Variants in FRMD5 observed in about 807,000 individuals in gnomAD.
The protein encoded by FRMD5 is FERM domain containing 5.
Under a neutral mutation model 69.0 loss-of-function variants are expected in FRMD5, and 20 were observed. The ratio of observed to expected loss-of-function variants is 0.29; its 90% CI spans 0.20 to 0.42. The LOEUF is 0.42. Among genes scored for constraint, FRMD5 ranks in the 10% least tolerant of loss-of-function variants. FRMD5 has a pLI of 1.00. For missense variants in FRMD5, 595 were observed against 708.6 expected, an observed-to-expected ratio of 0.84 and a Z score of 1.82; for synonymous variants, 271 against 260.1, an observed-to-expected ratio of 1.04 and a Z score of -0.40.
rs2088223091 is a variant in FRMD5, at chr15:43,873,560, A to C, written c.*325T>G. The C allele has an allele frequency of 2.2e-6, 3 of 1,389,980 alleles. No homozygotes were observed. The African/African-American group carries it at 4.4e-5, about 20-fold the overall frequency. The allele number at this position is 1,389,980 out of a possible 1,614,324, so 86.1% of individuals were successfully genotyped here. A position where few individuals can be genotyped will look rare whatever the true frequency, so the allele number is the denominator to read the frequency against. On this transcript the variant is annotated 3_prime_UTR_variant, in exon 14 of 14. Coordinates refer to ENST00000417257, the MANE Select transcript of FRMD5 (RefSeq NM_032892.5). ...TAGTAAAATAAATTATTTTTATTTGATACTTCAAAATAATATACATCTATG... is the reference window on the plus strand; with the variant it reads ...TAGTAAAATAAATTATTTTTATTTGCTACTTCAAAATAATATACATCTATG...
intron 1 of FRMD5, among the ~76,000 whole-genome samples, chr15:43,975,244 G>A (rs1022532596): frequency 6.6e-5 from 10 of 152,166 alleles, no homozygotes; most frequent in African/African-American, 2.4e-4. Flanking sequence ...CAGAAAGTAG[G>A]AGAGATAAAA....
chr15:44,049,758 T>C (rs934344043), intron 1 of FRMD5, among the ~76,000 whole-genome samples: 3 of 152,320 alleles, frequency 2.0e-5, no homozygotes, highest in Admixed American at 1.3e-4. Context: ...ATCAATAATA[T>C]ATAACTCTTG....
intron 1 of FRMD5, among the ~76,000 whole-genome samples, chr15:44,048,598 A>C (rs1220393367): frequency 6.6e-6 from 1 of 151,956 alleles, no homozygotes; most frequent in African/African-American, 2.4e-5. Flanking sequence ...TTTGAGATAG[A>C]GTCTCACTCT....
chr15:44,137,592 T>C (rs1252908158), intron 1 of FRMD5, among the ~76,000 whole-genome samples: 2 of 152,140 alleles, frequency 1.3e-5, no homozygotes, highest in Non-Finnish European at 2.9e-5. Context: ...CAGGAAGGCA[T>C]ACCAGAAGGA....
intron 1 of FRMD5, among the ~76,000 whole-genome samples, chr15:43,924,975 A>G (rs764561694): frequency 2.6e-5 from 4 of 151,456 alleles, no homozygotes; most frequent in Non-Finnish European, 5.9e-5. Context: ...TCTCCCTAGA[A>G]GCAACTGTTA....
chr15:44,004,364 T>C (rs1166451026), intron 1 of FRMD5, among the ~76,000 whole-genome samples: 1 of 148,870 alleles, frequency 6.7e-6, no homozygotes, highest in Non-Finnish European at 1.5e-5. Flanking sequence ...GTTTTTGTTT[T>C]TGTTTTTGTT....
chr15:44,038,520 C>CTTGTTTTTTTTTT (rs1892026730), intron 1 of FRMD5, among the ~76,000 whole-genome samples: 1 of 63,194 alleles, frequency 1.6e-5, no homozygotes, highest in Non-Finnish European at 2.8e-5. Context: ...CTAGCCAGAG[C>CTTGTTTTTTTTTT]TTTTTTTTTT....
At chr15:44,042,159 A>C (rs191086242) in intron 1 of FRMD5, among the ~76,000 whole-genome samples, 1 of 152,126 alleles carries the variant, frequency 6.6e-6, no homozygotes, top group Non-Finnish European at 1.5e-5. Flanking sequence ...AACACCTCTA[A>C]GCAAATAAAC....
chr15:44,095,144 A>G (rs935719874), intron 1 of FRMD5, among the ~76,000 whole-genome samples: 8 of 151,968 alleles, frequency 5.3e-5, no homozygotes, highest in Non-Finnish European at 1.0e-4. Flanking sequence ...CAGAATCTCT[A>G]TGAGACAGGA....
At chr15:44,138,142 T>C (rs2077214780) in intron 1 of FRMD5, among the ~76,000 whole-genome samples, 1 of 151,916 alleles carries the variant, frequency 6.6e-6, no homozygotes, top group African/African-American at 2.4e-5. Context: ...AAGCCAAAAT[T>C]CCAAATACAT....
chr15:43,884,202 G>A (rs1248312948), intron 12 of FRMD5, among the ~76,000 whole-genome samples: 1 of 152,156 alleles, frequency 6.6e-6, no homozygotes, highest in African/African-American at 2.4e-5. Context: ...CATGTGAAGG[G>A]GCAGGCAGTA....
chr15:43,997,088 G>C (rs1434783213), intron 1 of FRMD5, among the ~76,000 whole-genome samples: 1 of 149,520 alleles, frequency 6.7e-6, no homozygotes, highest in African/African-American at 2.4e-5. Flanking sequence ...AAAGAAAAGA[G>C]AGAAAGTTTG....
intron 1 of FRMD5, among the ~76,000 whole-genome samples, chr15:44,173,712 C>A (rs1418404286): frequency 6.6e-6 from 1 of 151,944 alleles, no homozygotes; most frequent in Non-Finnish European, 1.5e-5. Context: ...CAGGGTTTCA[C>A]CATGTTGCCC....
At chr15:44,116,215 T>A (rs916179872) in intron 1 of FRMD5, among the ~76,000 whole-genome samples, 4 of 148,462 alleles carry the variant, frequency 2.7e-5, no homozygotes, top group Admixed American at 6.7e-5. Context: ...ACTATATATA[T>A]TATATATATA....
chr15:43,878,255 G>A (rs760920745), intron 13 of FRMD5, among the ~76,000 whole-genome samples: 4 of 151,606 alleles, frequency 2.6e-5, no homozygotes, highest in African/African-American at 4.8e-5. Context: ...TTATAATGTT[G>A]ATGAGAAAAA....
At chr15:43,937,593 G>A (rs781458806) in intron 1 of FRMD5, among the ~76,000 whole-genome samples, 6 of 150,044 alleles carry the variant, frequency 4.0e-5, no homozygotes, top group Admixed American at 6.7e-5. Context: ...AGCCAAGATC[G>A]CGCCACTGCA....
At chr15:44,038,520 C>CTTTCTTT (rs532847181) in intron 1 of FRMD5, among the ~76,000 whole-genome samples, 2 of 63,200 alleles carry the variant, frequency 3.2e-5, no homozygotes, top group African/African-American at 1.1e-4. Flanking sequence ...CTAGCCAGAG[C>CTTTCTTT]TTTTTTTTTT....
At chr15:43,900,666 G>A (rs1201941009) in intron 7 of FRMD5, among the ~76,000 whole-genome samples, 2 of 148,810 alleles carry the variant, frequency 1.3e-5, no homozygotes, top group African/African-American at 5.0e-5. Flanking sequence ...CACCCAGGCT[G>A]GAGTGCAATG....
rs184792690 is a variant in FRMD5, at chr15:44,058,070, G to A, written c.103-133761C>T. 9.2e-4 allele frequency among the ~76,000 whole-genome samples: 140 copies of A among 152,206 alleles called. 1 individual carries two copies. The highest frequency in any genetic ancestry group is 2.8e-3 in the African/African-American group (118 of 41,530). The stretch of plus-strand genomic sequence containing the variant: ...TCATCAGCAGCCAATGTTATTTGAC[G>A]TGTAACAGTATATTCTGCAACTTAA... On this transcript the variant is annotated intron_variant, in intron 1 of 13. Transcript: ENST00000417257.
Sources: gnomAD v4.1 joint callset for allele counts (sites outside exome capture counted in the v4.1 genomes callset) on GRCh38, gnomAD v4.1.1 for gene constraint, MANE v1.5 for transcripts, NCBI Gene and HGNC (gene_info 2026-07-23, HGNC 2026-07-21) for gene names.